Variants in SMIM35 observed in about 807,000 individuals in gnomAD.
The protein encoded by SMIM35 is small integral membrane protein 35.
intron 1 of SMIM35, among the ~76,000 whole-genome samples, chr11:118,082,785 T>C (rs59541976): frequency 0.026 from 3,964 of 152,272 alleles, 125 homozygotes; most frequent in African/African-American, 0.083. Context: ...ATATTATAAG[T>C]GGATCAGGCC....
chr11:118,058,655 A>T (rs1944351079), intron 1 of SMIM35, among the ~76,000 whole-genome samples: 1 of 152,198 alleles, frequency 6.6e-6, no homozygotes, highest in African/African-American at 2.4e-5. Flanking sequence ...AAGGAGGGGC[A>T]GTGCAGACTG....
chr11:118,061,474 CCCAGCTGGAGCTA>C (rs2135122459), intron 1 of SMIM35, among the ~76,000 whole-genome samples: 1 of 152,206 alleles, frequency 6.6e-6, no homozygotes, highest in Admixed American at 6.5e-5. Context: ...GTGGCAGGTC[CCCAGCTGGAGCTA>C]CCTTCTTCTT....
intron 1 of SMIM35, among the ~76,000 whole-genome samples, chr11:118,083,994 C>A (rs1240527423): frequency 1.3e-5 from 2 of 152,052 alleles, no homozygotes; most frequent in African/African-American, 4.8e-5. Context: ...GCCGAGACAG[C>A]GCCACTGCAC....
chr11:118,048,492 G>A (rs986450503), intron 1 of SMIM35, among the ~76,000 whole-genome samples: 3 of 151,548 alleles, frequency 2.0e-5, no homozygotes, highest in African/African-American at 7.3e-5. Flanking sequence ...CAGCCTGGAT[G>A]ACAGAGCGAG....
chr11:118,015,710 C>T lies in SMIM35; in HGVS notation c.107G>A (p.Arg36His), dbSNP rs1406793805. Residue 36 changes from arginine to histidine, a missense_variant, in exon 2 of 5, where the codon CGC becomes CAC. Transcript: ENST00000689828. ...ACACTCACCCTCCCAGCAGTACCCG[C>T]GCTGGTACCACTTGGCCAGGCTGTA... ...LGYSLAKWYQRGYCWEGPNFV... is the reference protein window; with the variant it reads ...LGYSLAKWYQHGYCWEGPNFV... 1.0e-5 allele frequency: 4 copies of T among 399,356 alleles called. No individual in the cohort carries two copies. Among genetic ancestry groups the T allele is most frequent in the East Asian group, 3.6e-5 (1 of 28,080 alleles). The allele number at this position is 399,356 out of a possible 1,614,324, so 24.7% of individuals were successfully genotyped here. A position where few individuals can be genotyped will look rare whatever the true frequency, so the allele number is the denominator to read the frequency against.
intron 1 of SMIM35, among the ~76,000 whole-genome samples, chr11:118,080,961 T>C (rs1945080368): frequency 6.6e-6 from 1 of 152,170 alleles, no homozygotes; most frequent in African/African-American, 2.4e-5. Context: ...TAAAGTGCAA[T>C]CATCTACCAC....
chr11:118,019,203 C>A (rs1788800935), intron 1 of SMIM35, among the ~76,000 whole-genome samples: 1 of 152,090 alleles, frequency 6.6e-6, no homozygotes. Context: ...CCACTTCTGG[C>A]CATGGTGGAA....
At chr11:118,062,278 C>A (rs1944404343) in intron 1 of SMIM35, among the ~76,000 whole-genome samples, 1 of 152,192 alleles carries the variant, frequency 6.6e-6, no homozygotes, top group African/African-American at 2.4e-5. Context: ...TGCAGTGAGC[C>A]AAGACTGTGC....
intron 1 of SMIM35, among the ~76,000 whole-genome samples, chr11:118,035,863 T>C (rs1050847706): frequency 4.7e-5 from 7 of 150,424 alleles, no homozygotes; most frequent in African/African-American, 1.5e-4. Context: ...GGGACTATCA[T>C]TAGTATCCTA....
chr11:118,048,537 AGAAG>A (rs59910847), intron 1 of SMIM35, among the ~76,000 whole-genome samples: 15,574 of 122,254 alleles, frequency 0.13, 1,204 homozygotes, highest in Non-Finnish European at 0.14. Flanking sequence ...GAAGAAAGAA[AGAAG>A]GAAGGAAGGA....
chr11:118,067,189 T>G (rs1944488338), intron 1 of SMIM35: 1 of 151,758 alleles, frequency 6.6e-6, no homozygotes, highest in Non-Finnish European at 1.5e-5. Flanking sequence ...TGACACAGGG[T>G]CCAAGTGCAG....
intron 1 of SMIM35, among the ~76,000 whole-genome samples, chr11:118,021,880 A>T (rs2058233468): frequency 6.6e-6 from 1 of 152,208 alleles, no homozygotes; most frequent in Non-Finnish European, 1.5e-5. Flanking sequence ...TCAGCTAAGG[A>T]TATAGAGGAC....
chr11:118,028,550 T>G (rs1262193537), intron 1 of SMIM35, among the ~76,000 whole-genome samples: 1 of 152,172 alleles, frequency 6.6e-6, no homozygotes, highest in East Asian at 1.9e-4. Context: ...TTTAAAAAAA[T>G]TACAAATTGA....
At chr11:118,048,133 A>G (rs1314697266) in intron 1 of SMIM35, among the ~76,000 whole-genome samples, 2 of 152,080 alleles carry the variant, frequency 1.3e-5, no homozygotes, top group Non-Finnish European at 2.9e-5. Context: ...TTTTAAGAAG[A>G]GACTTAACTA....
chr11:118,054,849 G>A (rs1460468855), intron 1 of SMIM35, among the ~76,000 whole-genome samples: 1 of 149,822 alleles, frequency 6.7e-6, no homozygotes, highest in Admixed American at 6.7e-5. Context: ...TGTTACCCAG[G>A]CTGGAGTGCA....
At chr11:118,040,185 C>T (rs1943976908) in intron 1 of SMIM35, among the ~76,000 whole-genome samples, 2 of 152,110 alleles carry the variant, frequency 1.3e-5, no homozygotes, top group Admixed American at 1.3e-4. Flanking sequence ...CACTGCACTG[C>T]AGCCTGGGCA....
chr11:118,032,840 G>A (rs1303443725), intron 1 of SMIM35, among the ~76,000 whole-genome samples: 1 of 152,140 alleles, frequency 6.6e-6, no homozygotes, highest in Admixed American at 6.5e-5. Flanking sequence ...CTCAGGAGGT[G>A]GAGGTTGCAG....
At chr11:118,017,226 G>C (rs2058190071) in intron 1 of SMIM35, among the ~76,000 whole-genome samples, 2 of 152,222 alleles carry the variant, frequency 1.3e-5, no homozygotes, top group Non-Finnish European at 2.9e-5. Context: ...GTCCCAGAGA[G>C]AGCAACCTTG....
intron 1 of SMIM35, chr11:118,031,822 A>T (rs1249046202): frequency 6.6e-6 from 1 of 151,884 alleles, no homozygotes; most frequent in Non-Finnish European, 1.5e-5. Context: ...ATGGCATACC[A>T]CCTGAGGGGA....
Sources: gnomAD v4.1 joint callset for allele counts (sites outside exome capture counted in the v4.1 genomes callset) on GRCh38, gnomAD v4.1.1 for gene constraint, MANE v1.5 for transcripts, NCBI Gene and HGNC (gene_info 2026-07-23, HGNC 2026-07-21) for gene names.